The following SULT1C3 variants were observed in gnomAD, a reference collection of about 807,000 sequenced individuals.
SULT1C3 encodes sulfotransferase family 1C member 3, also known as sulfotransferase 1C3.
Under a neutral mutation model 28.4 loss-of-function variants are expected in SULT1C3, and 31 were observed. The ratio of observed to expected loss-of-function variants is 1.09; its 90% CI spans 0.82 to 1.47. SULT1C3 has a LOEUF of 1.47. SULT1C3 is among the 40% of genes most tolerant of loss of function. The probability of loss-of-function intolerance (pLI) is 0.00; values close to 1 mark genes in which losing one functional copy is unlikely to be tolerated. For missense variants in SULT1C3, 307 were observed against 272.5 expected, an observed-to-expected ratio of 1.13 and a Z score of -0.89; for synonymous variants, 106 against 92.2, an observed-to-expected ratio of 1.15 and a Z score of -0.86.
At chr2:108,261,831 G>A (rs1021899221), downstream of SULT1C3, among the ~76,000 whole-genome samples, 2 of 152,064 alleles carry the variant, frequency 1.3e-5, no homozygotes, top group South Asian at 2.1e-4. Context: ...CTATTGTTAC[G>A]CCAGGCAAAG....
At chr2:108,254,775 ATATATATG>A (rs1296606294) in intron 4 of SULT1C3, among the ~76,000 whole-genome samples, 3 of 150,866 alleles carry the variant, frequency 2.0e-5, no homozygotes, top group East Asian at 1.9e-4. Flanking sequence ...GTATGTATGC[ATATATATG>A]TATATATGTA....
In SULT1C3 at chr2:108,241,128, C is replaced by T. The variant is rs571543902; in HGVS notation, c.-8+1045C>T. Among the ~76,000 whole-genome samples the T allele has an allele frequency of 2.0e-5, 3 of 152,362 alleles. No homozygotes were observed. In the East Asian group the frequency reaches 5.8e-4, roughly 29 times the overall value. On this transcript the variant is annotated intron_variant, in intron 1 of 7. Transcript: ENST00000681802. ...ACCAGAGGTTAGGAACCCTGTGCCA[C>T]ACTGTGTAGACAAGGTATGAGGCCA... is the stretch of plus-strand genomic sequence containing the variant.
At chr2:108,258,405 G>A (rs1226124963) in intron 5 of SULT1C3, among the ~76,000 whole-genome samples, 2 of 152,100 alleles carry the variant, frequency 1.3e-5, no homozygotes, top group Admixed American at 1.3e-4. Context: ...GCAGCAGGAG[G>A]ACCCTACCCA....
downstream of SULT1C3, chr2:108,265,253 T>C (rs1676107996): frequency 2.5e-6 from 4 of 1,613,656 alleles, no homozygotes; most frequent in African/African-American, 1.3e-5. Flanking sequence ...GCCTGGAGAC[T>C]GGAAGAACTA....
intron 5 of SULT1C3, among the ~76,000 whole-genome samples, chr2:108,255,941 G>C (rs1675857841): frequency 6.6e-6 from 1 of 152,010 alleles, no homozygotes; most frequent in Non-Finnish European, 1.5e-5. Flanking sequence ...TCCTTGACTT[G>C]AGTTTCAAAC....
rs774730943 is a variant in SULT1C3 at position 108,252,334 on chromosome 2, AAAAT to A, written c.173-30_173-27del. 1.9e-6 allele frequency: 3 copies of A among 1,575,340 alleles called. No individual in the cohort carries two copies. In the African/African-American group the frequency reaches 4.1e-5, roughly 22 times the overall value. On this transcript the variant is annotated intron_variant, in intron 2 of 7. Coordinates refer to ENST00000681802, the MANE Select transcript of SULT1C3 (RefSeq NM_001320878.2). Reference sequence around the variant, plus strand: ...ACTTAGAATGAAAGTTCAATTGACTAAAATTAAAGAACTATTTCAAATATTTTCA... The same window carrying A: ...ACTTAGAATGAAAGTTCAATTGACTATAAAGAACTATTTCAAATATTTTCA...
In SULT1C3 at chr2:108,247,224, G is replaced by T. The variant is rs113646668; in HGVS notation, c.30G>T (p.Thr10=). MAKIEKNAP[T]MEKKPELFNI... ...CGAAGATTGAGAAAAACGCTCCCACGATGGAAAAAAAGCCAGAACTGTTTA... is the reference window on the plus strand; with the variant it reads ...CGAAGATTGAGAAAAACGCTCCCACTATGGAAAAAAAGCCAGAACTGTTTA... The change falls in exon 2 of 8, where the codon ACG becomes ACT. Residue 10 remains threonine (T), a synonymous_variant. Coordinates refer to ENST00000681802, the MANE Select transcript of SULT1C3 (RefSeq NM_001320878.2). 2.6e-6 allele frequency: 4 copies of T among 1,537,810 alleles called. No individual in the cohort carries two copies. Among genetic ancestry groups the T allele is most frequent in the Non-Finnish European group, 3.5e-6 (4 of 1,137,998 alleles).
intron 7 of SULT1C3, among the ~76,000 whole-genome samples, chr2:108,260,281 C>T (rs1182827800): frequency 2.0e-5 from 3 of 152,108 alleles, no homozygotes; most frequent in Non-Finnish European, 4.4e-5. Flanking sequence ...GTTGGGTACA[C>T]TAGAGCCAGG....
chr2:108,243,475 CA>C (rs1259148046), intron 1 of SULT1C3, among the ~76,000 whole-genome samples: 1 of 151,756 alleles, frequency 6.6e-6, no homozygotes, highest in Non-Finnish European at 1.5e-5. Context: ...ACTAAAAATA[CA>C]AAAAATTAGC....
rs530231287 is a variant in SULT1C3 at position 108,258,121 on chromosome 2, A to C, written c.527-613A>C. Among the ~76,000 whole-genome samples the C allele has an allele frequency of 6.9e-4, 105 of 152,206 alleles. No homozygotes were observed. The South Asian group carries it at 0.021, about 30-fold the overall frequency. The stretch of plus-strand genomic sequence containing the variant: ...AATAAAGATAGCTCCTGTGTTTATA[A>C]TGACTGCCCAGAACCAAACCAGGAA... On this transcript the variant is annotated intron_variant, in intron 5 of 7. Transcript: ENST00000681802.
rs1675784572 is a variant in SULT1C3, at chr2:108,253,416, C to T, written c.373C>T (p.Pro125Ser). The change falls in exon 4 of 8, where the codon CCA (proline) becomes TCA (serine). Residue 125 changes from proline (P) to serine (S), a missense_variant. Pro to Ser is a moderately conservative substitution (Grantham distance 74). Transcript: ENST00000681802. ...KTHLPSHLIP[P>S]SIWKENCKIV... ...ACATCTCCCTTCACATCTGATTCCA[C>T]CATCTATCTGGAAAGAAAACTGCAA... 2 of 1,556,812 alleles carry T rather than the reference C, an allele frequency of 1.3e-6. No individual in the cohort carries two copies. The highest frequency in any genetic ancestry group is 1.3e-5 in the South Asian group (1 of 79,574).
At chr2:108,256,622 A>G (rs1675874996) in intron 5 of SULT1C3, among the ~76,000 whole-genome samples, 1 of 152,060 alleles carries the variant, frequency 6.6e-6, no homozygotes, top group Admixed American at 6.6e-5. Context: ...TCCCTGAGCA[A>G]GTGTGTTAGG....
chr2:108,260,569 G>T lies in SULT1C3; in HGVS notation c.804G>T (p.Gly268=), dbSNP rs1210246327. Residue 268 remains glycine, a splice_region_variant and synonymous_variant, in exon 8 of 8, where the codon GGG becomes GGT. Transcript: ENST00000681802. Reference sequence around the variant, plus strand: ...ATGAACTTCTTTGATGTCCTACAGGGATGCCTGGAGACTGGAAGAACCACT... The same window carrying T: ...ATGAACTTCTTTGATGTCCTACAGGTATGCCTGGAGACTGGAAGAACCACT... ...NHSISKFMRK[G]MPGDWKNHFT... 1.9e-6 allele frequency: 1 copy of T among 514,340 alleles called. No individual in the cohort carries two copies. Among genetic ancestry groups the T allele is most frequent in the East Asian group, 5.5e-5 (1 of 18,158 alleles). The allele number at this position is 514,340 out of a possible 1,614,324, so 31.9% of individuals were successfully genotyped here. A position where few individuals can be genotyped will look rare whatever the true frequency, so the allele number is the denominator to read the frequency against.
chr2:108,258,635 G>A (rs998115289), intron 5 of SULT1C3, 99 bp from the exon 6 acceptor site: 16 of 846,478 alleles, frequency 1.9e-5, no homozygotes, highest in Middle Eastern at 4.7e-4. Context: ...GAACCAGAAC[G>A]ATAGTTACAG....
intron 1 of SULT1C3, among the ~76,000 whole-genome samples, chr2:108,242,689 C>A (rs896568537): frequency 1.3e-5 from 2 of 152,156 alleles, no homozygotes; most frequent in African/African-American, 2.4e-5. Context: ...AGAACAGAGT[C>A]TTTGATTTTG....
intron 2 of SULT1C3, among the ~76,000 whole-genome samples, chr2:108,248,037 A>T (rs72831072): frequency 1.3e-5 from 2 of 152,328 alleles, no homozygotes; most frequent in Non-Finnish European, 2.9e-5. Flanking sequence ...ATGCAAGGGG[A>T]ATGTACTACA....
rs1345529876 is a variant in SULT1C3 at position 108,258,761 on chromosome 2, T to C, written c.554T>C (p.Val185Ala). The change falls in exon 6 of 8, where the codon GTG (valine) becomes GCG (alanine). Residue 185 changes from valine (V) to alanine (A), a missense_variant. Transcript: ENST00000681802. Reference sequence around the variant, plus strand: ...GTTGGCGGGTCCTGGTTTGACCATGTGAAAGGATGGTGGGCTGCAAAAGAC... The same window carrying C: ...GTTGGCGGGTCCTGGTTTGACCATGCGAAAGGATGGTGGGCTGCAAAAGAC... Reference protein sequence around the residue: ...KVVGGSWFDHVKGWWAAKDMH... With the variant: ...KVVGGSWFDHAKGWWAAKDMH... 6.2e-7 allele frequency: 1 copy of C among 1,612,916 alleles called. No homozygotes were observed. The highest frequency in any genetic ancestry group is 2.2e-5 in the East Asian group (1 of 44,824).
chr2:108,255,482 A>T, intron 4 of SULT1C3, 90 bp from the exon 5 acceptor site: 1 of 1,418,396 alleles, frequency 7.1e-7, no homozygotes, highest in South Asian at 1.3e-5. Context: ...CTTATAGGAT[A>T]TGGTTACCAT....
chr2:108,258,698 A>C, intron 5 of SULT1C3, 36 bp from the exon 6 acceptor site: 2 of 1,528,270 alleles, frequency 1.3e-6, no homozygotes, highest in Non-Finnish European at 1.8e-6. Context: ...GTTTTGTCCC[A>C]GTACTGGGAA....
Sources: gnomAD v4.1 joint callset for allele counts (sites outside exome capture counted in the v4.1 genomes callset) on GRCh38, gnomAD v4.1.1 for gene constraint, MANE v1.5 for transcripts, NCBI Gene and HGNC (gene_info 2026-07-23, HGNC 2026-07-21) for gene names.